The following PDZRN4 variants were observed in gnomAD, a reference collection of about 807,000 sequenced individuals.
PDZRN4 encodes the protein PDZ domain containing ring finger 4.
PDZRN4 carries 70 observed loss-of-function variants against 99.0 expected under a neutral mutation model. The ratio of observed to expected loss-of-function variants is 0.71; its 90% CI spans 0.58 to 0.86. The LOEUF (loss-of-function observed/expected upper bound fraction) is 0.86. Among genes scored for constraint, PDZRN4 ranks in the 40% least tolerant of loss-of-function variants. The probability of loss-of-function intolerance (pLI) is 0.00; values close to 1 mark genes in which losing one functional copy is unlikely to be tolerated. For synonymous variants in PDZRN4, 551 were observed against 501.6 expected (o/e 1.10, Z -1.32); for missense variants, 1,474 against 1,331.2 (o/e 1.11, Z -1.67).
At chr12:41,565,950 A>C (rs1000554544) in intron 8 of PDZRN4, among the ~76,000 whole-genome samples, 10 of 152,152 alleles carry the variant, frequency 6.6e-5, no homozygotes, top group African/African-American at 2.4e-4. Context: ...AGCTCAAGGG[A>C]GATGTCTGTC....
chr12:41,369,925 T>A (rs1952028696), intron 3 of PDZRN4, among the ~76,000 whole-genome samples: 1 of 151,944 alleles, frequency 6.6e-6, no homozygotes. Context: ...ATATTAAGCA[T>A]CTCATTTTCA....
At chr12:41,218,022 T>C (rs7311069) in intron 3 of PDZRN4, among the ~76,000 whole-genome samples, 14,501 of 152,176 alleles carry the variant, frequency 0.095, 806 homozygotes, top group Non-Finnish European at 0.13. Flanking sequence ...ATTCATTCAC[T>C]GAACTGAAAC....
At chr12:41,269,976 CCT>C (rs934149971) in intron 3 of PDZRN4, among the ~76,000 whole-genome samples, 19 of 152,206 alleles carry the variant, frequency 1.2e-4, no homozygotes, top group African/African-American at 4.3e-4. Flanking sequence ...TCTCCCCCTA[CCT>C]CTCTCTTTTG....
At chr12:41,404,111 T>C (rs1952324518) in intron 3 of PDZRN4, among the ~76,000 whole-genome samples, 1 of 152,198 alleles carries the variant, frequency 6.6e-6, no homozygotes, top group African/African-American at 2.4e-5. Context: ...ACAATGTAAA[T>C]GATATATACA....
chr12:41,536,449 A>G (rs1938749758), intron 5 of PDZRN4, among the ~76,000 whole-genome samples: 1 of 152,210 alleles, frequency 6.6e-6, no homozygotes, highest in South Asian at 2.1e-4. Context: ...AAAGTGTAGC[A>G]CAGAGGGTTT....
At chr12:41,421,897 A>G (rs1005128816) in intron 3 of PDZRN4, among the ~76,000 whole-genome samples, 2 of 152,204 alleles carry the variant, frequency 1.3e-5, no homozygotes, top group Non-Finnish European at 2.9e-5. Context: ...TATAAAATAG[A>G]TCTCTTGACA....
intron 3 of PDZRN4, among the ~76,000 whole-genome samples, chr12:41,458,093 T>G (rs1221582759): frequency 6.6e-6 from 1 of 152,184 alleles, no homozygotes; most frequent in Admixed American, 6.5e-5. Flanking sequence ...GCTGTAAAGA[T>G]GTTAAAAGCA....
In PDZRN4 at chr12:41,572,479, G is replaced by T; in HGVS notation, c.1700G>T (p.Ser567Ile). The T allele has an allele frequency of 6.2e-7, 1 of 1,614,110 alleles. No individual in the cohort carries two copies. The highest frequency in any genetic ancestry group is 8.5e-7 in the Non-Finnish European group (1 of 1,179,976). Residue 567 changes from serine (S) to isoleucine (I), a missense_variant, in exon 10 of 10, where the codon AGC becomes ATC. By Grantham distance (142) the Ser-to-Ile change is moderately radical. Transcript: ENST00000402685. ...RTDESLRNDESSEQENAAEDP... is the reference protein window; with the variant it reads ...RTDESLRNDEISEQENAAEDP... ...GATGAAAGCTTGCGAAATGATGAGA[G>T]CTCAGAGCAGGAGAATGCAGCCGAG...
chr12:41,217,214 T>G lies in PDZRN4; in HGVS notation c.843+23026T>G, dbSNP rs541018676. Among the ~76,000 whole-genome samples the G allele has an allele frequency of 7.9e-5, 12 of 152,184 alleles. No individual in the cohort carries two copies. The South Asian group carries it at 2.5e-3, about 32-fold the overall frequency. On this transcript the variant is annotated intron_variant, in intron 3 of 9. Coordinates refer to ENST00000402685, the MANE Select transcript of PDZRN4 (RefSeq NM_001164595.2). Reference sequence around the variant, plus strand: ...CTGAAGTAGAGGCCAATGTTCCAAATCAGAGCAACTCAATGAACCATTTTG... The same window carrying G: ...CTGAAGTAGAGGCCAATGTTCCAAAGCAGAGCAACTCAATGAACCATTTTG...
At chr12:41,413,177 A>G (rs558546991) in intron 3 of PDZRN4, 1 of 152,192 alleles carries the variant, frequency 6.6e-6, no homozygotes. Flanking sequence ...ATGGGATGCT[A>G]TTCAGCCATA....
chr12:41,543,421 G>T (rs285597), intron 5 of PDZRN4, among the ~76,000 whole-genome samples: 23,631 of 151,918 alleles, frequency 0.16, 2,195 homozygotes, highest in African/African-American at 0.26. Flanking sequence ...ATTACTTAAT[G>T]CTGGCTCTGA....
chr12:41,397,616 C>A (rs1952258415), intron 3 of PDZRN4, among the ~76,000 whole-genome samples: 1 of 151,978 alleles, frequency 6.6e-6, no homozygotes, highest in Non-Finnish European at 1.5e-5. Flanking sequence ...AGAATTCAGT[C>A]TTTTTTAGTA....
intron 3 of PDZRN4, among the ~76,000 whole-genome samples, chr12:41,354,322 A>G (rs951758526): frequency 2.6e-5 from 4 of 152,178 alleles, no homozygotes; most frequent in East Asian, 1.9e-4. Context: ...TAGACCACAC[A>G]TGGATTCTCC....
At chr12:41,229,022 C>G (rs1951013201) in intron 3 of PDZRN4, among the ~76,000 whole-genome samples, 2 of 151,794 alleles carry the variant, frequency 1.3e-5, no homozygotes. Context: ...TAAATTCTCT[C>G]CCTGAAGTAA....
intron 5 of PDZRN4, among the ~76,000 whole-genome samples, chr12:41,538,246 A>G (rs535437157): frequency 2.0e-5 from 3 of 152,224 alleles, no homozygotes; most frequent in Non-Finnish European, 4.4e-5. Context: ...AGAGCTAACT[A>G]CTATTTCCAT....
chr12:41,288,521 A>G (rs908148634), intron 3 of PDZRN4, among the ~76,000 whole-genome samples: 3 of 152,076 alleles, frequency 2.0e-5, no homozygotes, highest in Non-Finnish European at 4.4e-5. Context: ...TCTTCTTTGT[A>G]TCTCTATTTG....
At chr12:41,279,846 A>T (rs1463573247) in intron 3 of PDZRN4, among the ~76,000 whole-genome samples, 1 of 152,224 alleles carries the variant, frequency 6.6e-6, no homozygotes, top group Non-Finnish European at 1.5e-5. Context: ...GAAGATTTTT[A>T]AAACTTGAAG....
chr12:41,548,815 G>A (rs181686636), intron 5 of PDZRN4, among the ~76,000 whole-genome samples: 10 of 151,966 alleles, frequency 6.6e-5, no homozygotes, highest in Non-Finnish European at 1.2e-4. Flanking sequence ...ATTTCACACC[G>A]CTGGAGTACA....
intron 3 of PDZRN4, among the ~76,000 whole-genome samples, chr12:41,276,796 G>T (rs866240094): frequency 9.2e-5 from 14 of 152,232 alleles, no homozygotes; most frequent in African/African-American, 3.1e-4. Flanking sequence ...AAAGTGCCAG[G>T]CAGGAATGTT....
Sources: gnomAD v4.1 joint callset for allele counts (sites outside exome capture counted in the v4.1 genomes callset) on GRCh38, gnomAD v4.1.1 for gene constraint, MANE v1.5 for transcripts, NCBI Gene and HGNC (gene_info 2026-07-23, HGNC 2026-07-21) for gene names.